Variants in MSR1 observed in about 807,000 individuals in gnomAD.
The protein encoded by MSR1 is macrophage scavenger receptor types I and II.
In MSR1, 53 loss-of-function variants were observed where a neutral mutation model predicts 47.2. The ratio of observed to expected loss-of-function variants is 1.12; its 90% CI spans 0.90 to 1.41. The LOEUF is 1.41. Among genes scored for constraint, MSR1 ranks in the 40% most tolerant of loss-of-function variants. MSR1 has a pLI of 0.00. For missense variants in MSR1, 786 were observed against 546.9 expected, an observed-to-expected ratio of 1.44 and a Z score of -4.36; for synonymous variants, 239 against 185.6, an observed-to-expected ratio of 1.29 and a Z score of -2.34.
intron 1 of MSR1, among the ~76,000 whole-genome samples, 186 bp from the exon 2 acceptor site, chr8:16,178,178 G>A (rs1037766833): frequency 6.7e-6 from 1 of 150,292 alleles, no homozygotes; most frequent in African/African-American, 2.5e-5. Context: ...TATTATACAT[G>A]TACCATGTTG....
At chr8:16,110,245 A>C (rs372208622) in intron 9 of MSR1, 27 bp from the exon 10 acceptor site, 6 of 1,612,028 alleles carry the variant, frequency 3.7e-6, no homozygotes, top group Non-Finnish European at 5.1e-6. Flanking sequence ...TAACTGCATT[A>C]GTAAGTTTAG....
chr8:16,134,185 T>C (rs541477704), intron 8 of MSR1, among the ~76,000 whole-genome samples: 3 of 152,308 alleles, frequency 2.0e-5, no homozygotes, highest in South Asian at 2.1e-4. Flanking sequence ...AAATTTCATG[T>C]GTGTTCTTGG....
chr8:16,138,568 G>A (rs1186439735), intron 8 of MSR1, among the ~76,000 whole-genome samples: 4 of 152,222 alleles, frequency 2.6e-5, no homozygotes, highest in African/African-American at 9.6e-5. Flanking sequence ...AGTCTAGGAT[G>A]TCAGATGACT....
intron 3 of MSR1, among the ~76,000 whole-genome samples, chr8:16,173,049 C>T (rs1801533100): frequency 1.3e-5 from 2 of 152,018 alleles, no homozygotes; most frequent in Non-Finnish European, 2.9e-5. Flanking sequence ...ACATAATAAA[C>T]ATAGTGAGGC....
intron 1 of MSR1, among the ~76,000 whole-genome samples, chr8:16,188,637 T>A (rs1195780188): frequency 6.6e-6 from 1 of 151,956 alleles, no homozygotes; most frequent in Non-Finnish European, 1.5e-5. Flanking sequence ...CATTAGGAGT[T>A]TGTCCTAATG....
At chr8:16,182,115 A>C (rs1363201030) in intron 1 of MSR1, among the ~76,000 whole-genome samples, 1 of 152,200 alleles carries the variant, frequency 6.6e-6, no homozygotes, top group Non-Finnish European at 1.5e-5. Context: ...ATTCACACCT[A>C]TATAGCATGT....
chr8:16,150,399 G>T, intron 6 of MSR1, 88 bp from the exon 7 acceptor site: 1 of 586,596 alleles, frequency 1.7e-6, no homozygotes, highest in Non-Finnish European at 2.8e-6. Flanking sequence ...TTTTATAAGT[G>T]AATATGAAAT....
intron 8 of MSR1, chr8:16,140,859 A>G (rs535614643): frequency 4.5e-5 from 72 of 1,584,830 alleles, no homozygotes; most frequent in Non-Finnish European, 2.6e-6. Context: ...GCCATGTGGA[A>G]GTCAGGTACA....
At position 16,120,559 on chromosome 8, in the gene MSR1, C is replaced by T. The variant is rs752825634; in HGVS notation, c.1081G>A (p.Gly361Arg). 6.2e-7 allele frequency: 1 copy of T among 1,610,946 alleles called. No individual in the cohort carries two copies. The highest frequency in any genetic ancestry group is 2.2e-5 in the East Asian group (1 of 44,682). The change falls in exon 9 of 10, where the codon GGG becomes AGG. Residue 361 changes from glycine to arginine, a missense_variant. Transcript: ENST00000262101. ...RLVGGSGPHE[G>R]RVEILHSGQW... ...CCGCTGTGGAGTATCTCCACCCTCC[C>T]CTCGTGAGGGCCGCTCCCACCGACC...
chr8:16,179,802 G>A (rs189125166), intron 1 of MSR1, among the ~76,000 whole-genome samples: 10 of 145,462 alleles, frequency 6.9e-5, no homozygotes, highest in East Asian at 6.1e-4. Flanking sequence ...GCTTGTACCC[G>A]GAAGACAGAA....
chr8:16,189,431 C>CTTATTTTATATATATTTTAT (rs1472474146), intron 1 of MSR1, among the ~76,000 whole-genome samples: 1 of 67,446 alleles, frequency 1.5e-5, no homozygotes, highest in Non-Finnish European at 2.3e-5. Flanking sequence ...TATATAAAAT[C>CTTATTTTATATATATTTTAT]ATATTTTATA....
intron 1 of MSR1, among the ~76,000 whole-genome samples, chr8:16,191,923 G>C (rs1179347776): frequency 1.3e-5 from 2 of 151,932 alleles, no homozygotes; most frequent in Non-Finnish European, 2.9e-5. Flanking sequence ...TTTTGGCCTC[G>C]CCTATATTTT....
At chr8:16,140,888 T>C in intron 8 of MSR1, 1 of 1,607,652 alleles carries the variant, frequency 6.2e-7, no homozygotes, top group Non-Finnish European at 8.5e-7. Context: ...ACCAAAGTCA[T>C]TTGGAGGAGT....
At chr8:16,178,541 G>A (rs916351369) in intron 1 of MSR1, among the ~76,000 whole-genome samples, 4 of 152,072 alleles carry the variant, frequency 2.6e-5, no homozygotes, top group Non-Finnish European at 5.9e-5. Flanking sequence ...TTGCTATTGT[G>A]AATAGTGCCG....
intron 8 of MSR1, 132 bp downstream of exon 8, chr8:16,143,424 TTA>T (rs1800613558): frequency 1.5e-6 from 1 of 652,942 alleles, no homozygotes; most frequent in Admixed American, 2.8e-5. Flanking sequence ...TTGTAGAAAA[TTA>T]TGTTTGGCTT....
At position 16,120,616 on chromosome 8, in the gene MSR1, T is replaced by TACAAAAA. The variant is rs1799980229; in HGVS notation, c.1034-11_1034-10insTTTTTGT. ...ACTTTCGTAAATGGAGCTGTAAAGT[T>TACAAAAA]AAAAAAAAAAAAAAAAAAAAAAAAA... On this transcript the variant is annotated splice_polypyrimidine_tract_variant and intron_variant, in intron 8 of 9. Transcript: ENST00000262101. 1 of 926,974 alleles carries TACAAAAA rather than the reference T, an allele frequency of 1.1e-6. No individual in the cohort carries two copies. The highest frequency in any genetic ancestry group is 1.4e-6 in the Non-Finnish European group (1 of 737,470). The allele number at this position is 926,974 out of a possible 1,614,324, so 57.4% of individuals were successfully genotyped here.
Position 16,110,171 on chromosome 8 carries a change from A to G in MSR1, c.1270T>C (p.Ser424Pro). The G allele has an allele frequency of 6.2e-7, 1 of 1,613,660 alleles. No individual in the cohort carries two copies. Among genetic ancestry groups the G allele is most frequent in the Non-Finnish European group, 8.5e-7 (1 of 1,179,686 alleles). The change falls in exon 10 of 10, where the codon TCA becomes CCA. Residue 424 changes from serine (S) to proline (P), a missense_variant. Coordinates refer to ENST00000262101, the MANE Select transcript of MSR1 (RefSeq NM_138715.3). ...CGAATTTTACATTCTTCAATAGATG[A>G]TTCTCTCCCAAAACAAAACACTTCA... Reference protein sequence around the residue: ...LNEVFCFGRESSIEECKIRQW... With the variant: ...LNEVFCFGREPSIEECKIRQW...
Position 16,168,840 on chromosome 8 carries a change from C to A in MSR1, c.248G>T (p.Cys83Phe), listed in dbSNP as rs1049691716. The A allele has an allele frequency of 6.2e-7, 1 of 1,613,618 alleles. No homozygotes were observed. The highest frequency in any genetic ancestry group is 8.5e-7 in the Non-Finnish European group (1 of 1,179,980). The stretch of plus-strand genomic sequence containing the variant: ...ATTTGCATTAGTTGAACTAACTGAG[C>A]AATTCTTCGTTTCCCACTTCAGGAG... ...AQLLKWETKN[C>F]SVSSTNANDI... Residue 83 changes from cysteine (C) to phenylalanine (F), a missense_variant, in exon 4 of 10, where the codon TGC (cysteine) becomes TTC (phenylalanine). Cys to Phe is a radical substitution (Grantham distance 205). Transcript: ENST00000262101.
At chr8:16,124,742 G>T (rs572061741) in intron 8 of MSR1, among the ~76,000 whole-genome samples, 1 of 152,052 alleles carries the variant, frequency 6.6e-6, no homozygotes, top group African/African-American at 2.4e-5. Context: ...AAAGAAACCC[G>T]TTATAGTCAT....
Sources: gnomAD v4.1 joint callset for allele counts (sites outside exome capture counted in the v4.1 genomes callset) on GRCh38, gnomAD v4.1.1 for gene constraint, MANE v1.5 for transcripts, NCBI Gene and HGNC (gene_info 2026-07-23, HGNC 2026-07-21) for gene names.